The following DISC1 variants were observed in gnomAD, a reference collection of about 807,000 sequenced individuals.
DISC1 encodes the protein DISC1 scaffold protein, also known as disrupted in schizophrenia 1 protein.
In DISC1, 57 loss-of-function variants were observed where a neutral mutation model predicts 84.5. The observed-to-expected ratio is 0.67, with a 90% CI of 0.55 to 0.84. The LOEUF is 0.84. Ranked by LOEUF, DISC1 falls within the 40% of genes least tolerant of loss-of-function variation. DISC1 has a pLI of 0.00. For synonymous variants in DISC1, 411 were observed against 415.2 expected, an observed-to-expected ratio of 0.99 and a Z score of 0.12; for missense variants, 1,000 against 1,057.8, an observed-to-expected ratio of 0.95 and a Z score of 0.76.
intron 9 of DISC1, among the ~76,000 whole-genome samples, chr1:231,886,799 CTTTCTTTCTTTCTTTCT>C (rs2086770413): frequency 7.0e-6 from 1 of 142,334 alleles, no homozygotes; most frequent in African/African-American, 2.6e-5. Context: ...TTCTTTCTTT[CTTTCTTTCTTTCTTTCT>C]TTCTTTCTTT....
intron 9 of DISC1, among the ~76,000 whole-genome samples, chr1:231,891,433 TC>T (rs1333843864): frequency 1.3e-5 from 2 of 152,150 alleles, no homozygotes; most frequent in Non-Finnish European, 2.9e-5. Context: ...AGATCCTGTG[TC>T]ATGCCACGTG....
In DISC1 at chr1:231,826,968, G is replaced by C. The variant is rs1473517946; in HGVS notation, c.1981+8451G>C. Among the ~76,000 whole-genome samples the C allele has an allele frequency of 6.6e-6, 1 of 152,046 alleles. No individual in the cohort carries two copies. The highest frequency in any genetic ancestry group is 1.5e-5 in the Non-Finnish European group (1 of 68,004). Reference sequence around the variant, plus strand: ...ATCTTTCTAGGCTTCTTTTGAGTGAGTTTTGAACTTTAGTTAAATAAAACA... The same window carrying C: ...ATCTTTCTAGGCTTCTTTTGAGTGACTTTTGAACTTTAGTTAAATAAAACA... On this transcript the variant is annotated intron_variant, in intron 9 of 12. Coordinates refer to ENST00000439617, the MANE Select transcript of DISC1 (RefSeq NM_018662.3). This position sits in a 1 kb window ranked among gnomAD's most constrained non-coding sequence, Gnocchi z 4.2.
chr1:231,709,153 A>G (rs1480487019), intron 3 of DISC1, among the ~76,000 whole-genome samples: 1 of 152,220 alleles, frequency 6.6e-6, no homozygotes, highest in East Asian at 1.9e-4. Flanking sequence ...TCTGTAAGTT[A>G]AAGGTAGAGA....
chr1:231,913,214 C>T (rs1246580305), intron 9 of DISC1, among the ~76,000 whole-genome samples: 1 of 152,218 alleles, frequency 6.6e-6, no homozygotes, highest in Middle Eastern at 3.2e-3. Context: ...GTCCCTCTGC[C>T]AGGACAGTAG....
intron 9 of DISC1, among the ~76,000 whole-genome samples, chr1:231,847,109 C>T (rs1043030707): frequency 2.0e-5 from 3 of 152,278 alleles, no homozygotes; most frequent in Non-Finnish European, 4.4e-5. Flanking sequence ...TCTCCCAACT[C>T]TGAAGGCTGG....
intron 10 of DISC1, among the ~76,000 whole-genome samples, chr1:231,982,807 G>A (rs774219855): frequency 6.6e-6 from 1 of 152,094 alleles, no homozygotes; most frequent in Non-Finnish European, 1.5e-5. Context: ...AAAGCTGAGG[G>A]CATGGGAGGG....
At chr1:231,909,933 AT>A (rs1195598707) in intron 9 of DISC1, among the ~76,000 whole-genome samples, 2 of 152,052 alleles carry the variant, frequency 1.3e-5, no homozygotes, top group Non-Finnish European at 2.9e-5. Flanking sequence ...GAATGTATCC[AT>A]TTCTTCTAGA....
At chr1:231,892,567 G>A (rs773122854) in intron 9 of DISC1, among the ~76,000 whole-genome samples, 1 of 152,046 alleles carries the variant, frequency 6.6e-6, no homozygotes, top group Non-Finnish European at 1.5e-5. Flanking sequence ...AGAGAGGAGG[G>A]TGATGATACT....
In DISC1 at chr1:232,009,512, A is replaced by G. The variant is rs550415431; in HGVS notation, c.2307+463A>G. The G allele has an allele frequency of 1.1e-4, 88 of 767,232 alleles. 1 individual carries two copies. The South Asian group carries it at 4.6e-3, about 40-fold the overall frequency. The allele number at this position is 767,232 out of a possible 1,614,324, so 47.5% of individuals were successfully genotyped here. ...ATATTATTATTTATTTGAATGAAAC[A>G]TTCAAATATATGTATTTATCCCATT... On this transcript the variant is annotated intron_variant, in intron 11 of 12. Transcript: ENST00000439617. This position sits in a 1 kb window ranked among gnomAD's most constrained non-coding sequence, Gnocchi z 4.6.
chr1:232,027,968 A>G (rs774342714), intron 12 of DISC1, among the ~76,000 whole-genome samples: 3 of 152,126 alleles, frequency 2.0e-5, no homozygotes, highest in Non-Finnish European at 4.4e-5. Flanking sequence ...CTGGGCAGAA[A>G]ATTTCTTCAA....
intron 1 of DISC1, among the ~76,000 whole-genome samples, chr1:231,631,940 C>T (rs1353004926): frequency 6.6e-6 from 1 of 152,176 alleles, no homozygotes; most frequent in Non-Finnish European, 1.5e-5. Flanking sequence ...GAGCAACTTC[C>T]AGTCCTGCAA....
chr1:231,733,277 A>T (rs1023544775), intron 3 of DISC1, among the ~76,000 whole-genome samples: 1 of 139,876 alleles, frequency 7.1e-6, no homozygotes, highest in Admixed American at 7.0e-5. Flanking sequence ...TAATGGTAGG[A>T]GTGTTGGTGG....
chr1:231,992,425 A>G (rs893020221), intron 10 of DISC1, among the ~76,000 whole-genome samples: 1 of 152,108 alleles, frequency 6.6e-6, no homozygotes, highest in Non-Finnish European at 1.5e-5. Context: ...AGACCATGCA[A>G]CGTGTTAGAA....
At chr1:231,953,218 G>T (rs1395106845) in intron 9 of DISC1, among the ~76,000 whole-genome samples, 1 of 152,130 alleles carries the variant, frequency 6.6e-6, no homozygotes, top group Non-Finnish European at 1.5e-5. Context: ...CCCCACAGTG[G>T]GTCTCCAATG....
At chr1:231,952,054 G>A (rs1328035743) in intron 9 of DISC1, among the ~76,000 whole-genome samples, 2 of 131,532 alleles carry the variant, frequency 1.5e-5, no homozygotes, top group Non-Finnish European at 3.1e-5. Context: ...CTGCACTTTA[G>A]CCTGGGTGAC....
At chr1:231,787,570 C>G (rs1260521674) in intron 6 of DISC1, among the ~76,000 whole-genome samples, 2 of 152,182 alleles carry the variant, frequency 1.3e-5, no homozygotes, top group Non-Finnish European at 2.9e-5. Flanking sequence ...GTAACCTAAT[C>G]ATTTCTTAAA....
At chr1:231,862,791 C>G (rs2084762822) in intron 9 of DISC1, among the ~76,000 whole-genome samples, 1 of 152,128 alleles carries the variant, frequency 6.6e-6, no homozygotes, top group Non-Finnish European at 1.5e-5. Context: ...AAATGACTTG[C>G]ACCATGGAGT....
At chr1:231,816,640 T>C (rs2081012116) in intron 8 of DISC1, among the ~76,000 whole-genome samples, 1 of 152,232 alleles carries the variant, frequency 6.6e-6, no homozygotes, top group South Asian at 2.1e-4. Flanking sequence ...GATAGCTAGT[T>C]GTTCCAGCAC....
At chr1:231,779,567 T>G (rs892533651) in intron 6 of DISC1, among the ~76,000 whole-genome samples, 2 of 144,880 alleles carry the variant, frequency 1.4e-5, no homozygotes, top group East Asian at 2.0e-4. Context: ...TTTTTTTTTT[T>G]TTTTTTTTTT....
Sources: allele counts gnomAD v4.1 joint callset (sites outside exome capture counted in the v4.1 genomes callset), GRCh38; gene constraint gnomAD v4.1.1; non-coding constraint Gnocchi (gnomAD v3.1); transcripts MANE v1.5; gene names NCBI Gene and HGNC (gene_info 2026-07-23, HGNC 2026-07-21).